The following CNTNAP5 variants were observed in gnomAD, a reference collection of about 807,000 sequenced individuals.
The protein encoded by CNTNAP5 is contactin associated protein family member 5, also known as contactin-associated protein-like 5.
Under a neutral mutation model 150.2 loss-of-function variants are expected in CNTNAP5, and 72 were observed. The ratio of observed to expected loss-of-function variants is 0.48; its 90% CI spans 0.40 to 0.58. CNTNAP5 has a LOEUF of 0.58. Ranked by LOEUF, CNTNAP5 falls within the 20% of genes least tolerant of loss-of-function variation. The probability of loss-of-function intolerance (pLI) is 0.00; values close to 1 mark genes in which losing one functional copy is unlikely to be tolerated. For synonymous variants in CNTNAP5, 672 were observed against 619.8 expected (o/e 1.08, Z -1.25); for missense variants, 1,636 against 1,626.2 (o/e 1.01, Z -0.10).
rs115417201 is a variant in CNTNAP5 at position 124,459,623 on chromosome 2, C to A, written c.918+12686C>A. ...AAAAATTAACTGGGCATGGTGCACA[C>A]GCCTGTAATTTCAGCTACTCGGGAA... On this transcript the variant is annotated intron_variant, in intron 6 of 23. Transcript: ENST00000682447. Among the ~76,000 whole-genome samples, 1,178 of 151,824 alleles carry A rather than the reference C, an allele frequency of 7.8e-3. 18 individuals are homozygous for A. The highest frequency in any genetic ancestry group is 0.027 in the African/African-American group (1,104 of 41,390).
intron 19 of CNTNAP5, among the ~76,000 whole-genome samples, chr2:124,812,427 T>C (rs907029602): frequency 6.6e-6 from 1 of 151,730 alleles, no homozygotes; most frequent in Non-Finnish European, 1.5e-5. Context: ...CTTCAAGAAC[T>C]GGTTTAGGCC....
chr2:124,788,963 A>G (rs572453605), intron 17 of CNTNAP5, among the ~76,000 whole-genome samples: 2 of 152,100 alleles, frequency 1.3e-5, no homozygotes, highest in Admixed American at 1.3e-4. Flanking sequence ...GCCTCACCAC[A>G]CACCCACACA....
At chr2:124,697,199 A>G (rs776607812) in intron 13 of CNTNAP5, among the ~76,000 whole-genome samples, 2 of 152,128 alleles carry the variant, frequency 1.3e-5, no homozygotes, top group East Asian at 3.9e-4. Context: ...CATTATTCAC[A>G]TTGTACATTT....
chr2:124,593,269 A>G (rs1236175005), intron 11 of CNTNAP5, among the ~76,000 whole-genome samples: 23 of 136,970 alleles, frequency 1.7e-4, no homozygotes, highest in Non-Finnish European at 2.8e-4. Flanking sequence ...ATATCTCCCA[A>G]TGCTATCCCT....
intron 19 of CNTNAP5, among the ~76,000 whole-genome samples, chr2:124,820,606 A>G (rs1415690179): frequency 6.6e-6 from 1 of 150,628 alleles, no homozygotes; most frequent in Non-Finnish European, 1.5e-5. Context: ...CTATCAGTGG[A>G]GTTCTTGTAT....
At chr2:124,615,539 A>G (rs1298952703) in intron 12 of CNTNAP5, among the ~76,000 whole-genome samples, 1 of 152,150 alleles carries the variant, frequency 6.6e-6, no homozygotes, top group Non-Finnish European at 1.5e-5. Context: ...TTCTGTTGCT[A>G]TTTCCACCAA....
At chr2:124,892,745 A>G (rs1678219697) in intron 21 of CNTNAP5, among the ~76,000 whole-genome samples, 1 of 152,130 alleles carries the variant, frequency 6.6e-6, no homozygotes, top group African/African-American at 2.4e-5. Flanking sequence ...GACCTCAATT[A>G]GTATTTACCG....
At chr2:124,819,829 A>G (rs994664214) in intron 19 of CNTNAP5, among the ~76,000 whole-genome samples, 3 of 152,196 alleles carry the variant, frequency 2.0e-5, no homozygotes, top group Non-Finnish European at 4.4e-5. Context: ...TCGATGCCAT[A>G]TGTCCCTCAG....
chr2:124,403,321 T>C (rs1199460816), intron 3 of CNTNAP5, among the ~76,000 whole-genome samples: 1 of 152,214 alleles, frequency 6.6e-6, no homozygotes, highest in Non-Finnish European at 1.5e-5. Flanking sequence ...TTGAAGAGTA[T>C]TGCATGTATT....
intron 3 of CNTNAP5, among the ~76,000 whole-genome samples, chr2:124,306,730 T>C (rs1363008653): frequency 6.9e-6 from 1 of 145,964 alleles, no homozygotes; most frequent in Non-Finnish European, 1.5e-5. Context: ...TTTTTTTTTT[T>C]TTTTTTTTTT....
intron 3 of CNTNAP5, among the ~76,000 whole-genome samples, chr2:124,411,145 T>C (rs570752685): frequency 5.9e-5 from 9 of 152,270 alleles, no homozygotes; most frequent in East Asian, 5.8e-4. Context: ...ATGGATAAAT[T>C]CCTGGACACA....
chr2:124,184,941 T>C (rs1386156564), intron 1 of CNTNAP5, among the ~76,000 whole-genome samples: 1 of 152,160 alleles, frequency 6.6e-6, no homozygotes, highest in Non-Finnish European at 1.5e-5. Context: ...ACCCACTGCA[T>C]TTATCCTGGG....
At chr2:124,587,860 TA>T (rs35518762) in intron 11 of CNTNAP5, among the ~76,000 whole-genome samples, 5 of 151,782 alleles carry the variant, frequency 3.3e-5, no homozygotes, top group East Asian at 1.9e-4. Flanking sequence ...CTATTTCCCC[TA>T]AAAAAAAGTA....
intron 13 of CNTNAP5, among the ~76,000 whole-genome samples, chr2:124,691,022 G>A (rs182359047): frequency 1.7e-3 from 256 of 152,166 alleles, no homozygotes; most frequent in Non-Finnish European, 2.9e-3. Context: ...AGCCTTCAGC[G>A]TGAAGGCCCA....
chr2:124,546,345 T>G (rs1695509678), intron 10 of CNTNAP5, among the ~76,000 whole-genome samples: 1 of 144,898 alleles, frequency 6.9e-6, no homozygotes. Flanking sequence ...AGTGTGTTTC[T>G]TTACTGCAGG....
rs1470929505 is a variant in CNTNAP5 at position 124,210,580 on chromosome 2, C to G, written c.83-11125C>G. ...TATATTCTTTTACTATTCTAAATCC[C>G]CTGATTGGGTCTTGTTAGCACAGTC... On this transcript the variant is annotated intron_variant, in intron 1 of 23. Coordinates refer to ENST00000682447, the MANE Select transcript of CNTNAP5 (RefSeq NM_001367498.1). Among the ~76,000 whole-genome samples the G allele has an allele frequency of 2.0e-5, 3 of 152,044 alleles. 1 individual carries two copies. The highest frequency in any genetic ancestry group is 4.4e-5 in the Non-Finnish European group (3 of 68,020).
intron 14 of CNTNAP5, among the ~76,000 whole-genome samples, chr2:124,755,905 G>A (rs771476621): frequency 1.3e-5 from 2 of 152,180 alleles, no homozygotes; most frequent in East Asian, 3.9e-4. Context: ...AACAAATTGT[G>A]GATTTGTCAC....
chr2:124,825,441 A>G (rs1682573158), intron 19 of CNTNAP5, among the ~76,000 whole-genome samples: 1 of 152,210 alleles, frequency 6.6e-6, no homozygotes. Flanking sequence ...CCTTACAATA[A>G]CAAGACAAAG....
At chr2:124,524,232 G>A in intron 8 of CNTNAP5, 71 bp from the exon 9 acceptor site, 1 of 1,527,524 alleles carries the variant, frequency 6.5e-7, no homozygotes, top group Non-Finnish European at 9.0e-7. Flanking sequence ...AGCAGGCTGG[G>A]AAATGAGCCC....
Sources: allele counts gnomAD v4.1 joint callset (sites outside exome capture counted in the v4.1 genomes callset), GRCh38; gene constraint gnomAD v4.1.1; transcripts MANE v1.5; gene names NCBI Gene and HGNC (gene_info 2026-07-23, HGNC 2026-07-21).